INF2: variants seen among roughly 807,000 people sequenced by gnomAD.
INF2 encodes inverted formin-2.
Under a neutral mutation model 123.5 loss-of-function variants are expected in INF2, and 43 were observed. The ratio of observed to expected loss-of-function variants is 0.35; its 90% CI spans 0.27 to 0.45. The LOEUF is 0.45. Ranked by LOEUF, INF2 falls within the 20% of genes least tolerant of loss-of-function variation. The pLI, the probability that INF2 is intolerant of heterozygous loss-of-function variation, is 1.00. For missense variants in INF2, 1,453 were observed against 1,682.7 expected (o/e 0.86, Z 2.39); for synonymous variants, 851 against 745.0 (o/e 1.14, Z -2.32).
chr14:104,683,361 G>C (rs1888576893), intron 1 of INF2, among the ~76,000 whole-genome samples: 1 of 152,232 alleles, frequency 6.6e-6, no homozygotes, highest in Admixed American at 6.5e-5. Context: ...CACTCCAAGA[G>C]CCTAGCTCCC....
chr14:104,714,029 A>G (rs928401126), intron 20 of INF2, among the ~76,000 whole-genome samples, 174 bp from the exon 21 acceptor site: 3 of 152,178 alleles, frequency 2.0e-5, no homozygotes, highest in Non-Finnish European at 4.4e-5. Context: ...ACCCTGCCAC[A>G]GTGTAGACAG....
At chr14:104,686,795 A>C (rs904187603), upstream of INF2, among the ~76,000 whole-genome samples, 2 of 152,302 alleles carry the variant, frequency 1.3e-5, no homozygotes, top group African/African-American at 4.8e-5. Flanking sequence ...GGCGGCGCCA[A>C]CATCAGGCTG....
chr14:104,713,141 G>A (rs1047767195), intron 18 of INF2, 66 bp from the exon 19 acceptor site: 14 of 1,593,912 alleles, frequency 8.8e-6, no homozygotes, highest in South Asian at 1.1e-5. Flanking sequence ...GGAGGGGGAC[G>A]CCCAGGCCCA....
chr14:104,721,850 A>G lies in INF2; in HGVS notation c.*3057A>G, dbSNP rs910337436. 1.3e-5 allele frequency: 2 copies of G among 152,356 alleles called. No individual in the cohort carries two copies. The highest frequency in any genetic ancestry group is 2.4e-5 in the African/African-American group (1 of 41,466). The allele number at this position is 152,356 out of a possible 1,614,324, so 9.4% of individuals were successfully genotyped here. A position where few individuals can be genotyped will look rare whatever the true frequency, so the allele number is the denominator to read the frequency against. On this transcript the variant is annotated 3_prime_UTR_variant, in exon 23 of 23. Coordinates refer to ENST00000392634, the MANE Select transcript of INF2 (RefSeq NM_022489.4). The stretch of plus-strand genomic sequence containing the variant: ...GTGGGCTACAGCCAGCAAAGGAACC[A>G]AAACCAACAGGAGCTCTGGGGGTGC...
intron 5 of INF2, chr14:104,704,178 A>G: frequency 2.8e-6 from 4 of 1,438,456 alleles, no homozygotes; most frequent in Non-Finnish European, 3.6e-6. Flanking sequence ...GCAGCCATAG[A>G]AAGGACAGAA....
intron 4 of INF2, 64 bp from the exon 5 acceptor site, chr14:104,703,852 G>C (rs1889650482): frequency 3.7e-6 from 6 of 1,608,294 alleles, no homozygotes; most frequent in Non-Finnish European, 4.2e-6. Flanking sequence ...CTGGGTGGCA[G>C]AAGTGAAATG....
In INF2 at chr14:104,707,575, GCCCCCT is replaced by G. The variant is rs980563049; in HGVS notation, c.1320_1325del (p.Pro444_Pro445del). On this transcript the variant is annotated inframe_deletion, in exon 8 of 23. Coordinates refer to ENST00000392634, the MANE Select transcript of INF2 (RefSeq NM_022489.4). The stretch of plus-strand genomic sequence containing the variant: ...CCCTGCTCCCTGGTTCCAGTGCCGA[GCCCCCT>G]CCCCCTCCCCCACCACCCCCCCTGC... 14 of 1,164,274 alleles carry G rather than the reference GCCCCCT, an allele frequency of 1.2e-5. No individual in the cohort carries two copies. The highest frequency in any genetic ancestry group is 7.4e-5 in the African/African-American group (3 of 40,516). 72.1% of individuals were successfully genotyped at this position (1,164,274 alleles called of 1,614,324 possible).
chr14:104,714,930 A>C, intron 21 of INF2, 74 bp downstream of exon 21: 1 of 1,402,572 alleles, frequency 7.1e-7, no homozygotes, highest in Non-Finnish European at 9.4e-7. Context: ...CCCCTTCCCC[A>C]TTGGGCACTG....
Position 104,703,427 on chromosome 14 carries a change from C to T in INF2, c.640C>T (p.Arg214Cys), listed in dbSNP as rs912928648. The change falls in exon 4 of 23, where the codon CGC becomes TGC. Residue 214 changes from arginine to cysteine, a missense_variant. This residue lies in a region of INF2 where 251 missense variants were observed against 349.4 expected (regional missense o/e 0.72). Transcript: ENST00000392634. ...CTTGGGCCCCGAGGACCTGCGCGCG[C>T]GCACCCAGCTGCGGAACGAGTTTAT... is the stretch of plus-strand genomic sequence containing the variant. ...VILGPEDLRARTQLRNEFIGL... is the reference protein window; with the variant it reads ...VILGPEDLRACTQLRNEFIGL... 6.2e-7 allele frequency: 1 copy of T among 1,612,728 alleles called. No individual in the cohort carries two copies. The highest frequency in any genetic ancestry group is 1.7e-5 in the Admixed American group (1 of 60,032).
intron 17 of INF2, 125 bp downstream of exon 17, chr14:104,712,678 A>C: frequency 6.6e-7 from 1 of 1,515,070 alleles, no homozygotes; most frequent in Non-Finnish European, 9.0e-7. Flanking sequence ...CCAGGTGTGC[A>C]TGGTCAGGGC....
chr14:104,711,822 G>A (rs982310963), intron 16 of INF2, 123 bp downstream of exon 16: 10 of 825,928 alleles, frequency 1.2e-5, no homozygotes, highest in Admixed American at 8.7e-5. Context: ...CCGGCGCCAC[G>A]GAGCCCTGCC....
chr14:104,689,587 TCCTCCCG>T, upstream of INF2: 5 of 851,050 alleles, frequency 5.9e-6, no homozygotes, highest in Non-Finnish European at 7.0e-6. Context: ...CACCTCCTCT[TCCTCCCG>T]CCCGCCCCGC....
rs369652987 is a variant in INF2, at chr14:104,706,263, C to T, written c.843+87C>T. The T allele has an allele frequency of 3.7e-3, 5,147 of 1,385,158 alleles. 17 individuals are homozygous for T. Among genetic ancestry groups the T allele is most frequent in the Middle Eastern group, 0.019 (75 of 3,916 alleles). The allele number at this position is 1,385,158 out of a possible 1,614,324, so 85.8% of individuals were successfully genotyped here. On this transcript the variant is annotated intron_variant, in intron 6 of 22. Coordinates refer to ENST00000392634, the MANE Select transcript of INF2 (RefSeq NM_022489.4). ...AGAGGCTGGGCCTGGAACGGTCCTC[C>T]CTGCCCTGGTCAGACCCTGCTGTGA...
intron 1 of INF2, among the ~76,000 whole-genome samples, chr14:104,693,256 G>C (rs899170192): frequency 6.6e-5 from 10 of 152,334 alleles, no homozygotes; most frequent in Admixed American, 5.9e-4. Flanking sequence ...AAGGTCCAAA[G>C]TGGGAGAGGT....
At chr14:104,715,426 C>A in intron 22 of INF2, 86 bp downstream of exon 22, 1 of 1,250,296 alleles carries the variant, frequency 8.0e-7, no homozygotes, top group Non-Finnish European at 1.2e-6. Flanking sequence ...CCCTCCGGGA[C>A]ACTAACCTGG....
In INF2 at chr14:104,699,633, G is replaced by A. The variant is rs771849466; in HGVS notation, c.-9-1724G>A. On this transcript the variant is annotated intron_variant, in intron 1 of 22. Transcript: ENST00000392634. This position sits in a 1 kb window ranked among gnomAD's most constrained non-coding sequence, Gnocchi z 4.7. The stretch of plus-strand genomic sequence containing the variant: ...CGGCCACTGGGTGACCAAGAGGGCC[G>A]GGCCTGGGAGGGTGGCTTAAAACCA... 145 of 975,258 alleles carry A rather than the reference G, an allele frequency of 1.5e-4. No homozygotes were observed. Among genetic ancestry groups the A allele is most frequent in the Non-Finnish European group, 1.6e-4 (134 of 820,816 alleles). The allele number at this position is 975,258 out of a possible 1,614,324, so 60.4% of individuals were successfully genotyped here.
upstream of INF2, among the ~76,000 whole-genome samples, chr14:104,688,316 G>A (rs138993294): frequency 1.2e-4 from 18 of 152,090 alleles, no homozygotes; most frequent in African/African-American, 3.9e-4. Context: ...ACAGGGAGCA[G>A]ACAGACGCAG....
At chr14:104,687,272 G>C (rs532667364), upstream of INF2, among the ~76,000 whole-genome samples, 5 of 152,176 alleles carry the variant, frequency 3.3e-5, no homozygotes, top group East Asian at 7.7e-4. The surrounding 1 kb of genome is among the most constrained non-coding windows in gnomAD (Gnocchi z 5.6). Context: ...GGGAGCGCTG[G>C]AGGTACAGAG....
At chr14:104,703,993 C>G (rs771895789) in intron 5 of INF2, 44 bp downstream of exon 5, 2 of 1,605,776 alleles carry the variant, frequency 1.2e-6, no homozygotes, top group East Asian at 4.5e-5. Flanking sequence ...CCCTCCTGCT[C>G]CCAAGGCCAG....
Sources: gnomAD v4.1 joint callset for allele counts (sites outside exome capture counted in the v4.1 genomes callset) on GRCh38, gnomAD v4.1.1 for gene constraint, gnomAD v4.1.1 regional missense constraint, Gnocchi (gnomAD v3.1) non-coding constraint, MANE v1.5 for transcripts, NCBI Gene and HGNC (gene_info 2026-07-23, HGNC 2026-07-21) for gene names.